ROR2: variants seen among roughly 807,000 people sequenced by gnomAD.
ROR2 encodes ROR family WNT receptor 2.
A neutral mutation model predicts 74.9 loss-of-function variants in ROR2; 33 were observed. The observed-to-expected ratio is 0.44, with a 90% confidence interval of 0.33 to 0.59. The LOEUF is 0.59. Ranked by LOEUF, ROR2 falls within the 20% of genes least tolerant of loss-of-function variation. The pLI is 0.02. For synonymous variants in ROR2, 586 were observed against 558.7 expected (o/e 1.05, Z -0.69); for missense variants, 1,216 against 1,313.8 (o/e 0.93, Z 1.15).
Position 91,725,743 on chromosome 9 carries a change from C to T in ROR2, c.1387-636G>A, listed in dbSNP as rs1046926204. Among the ~76,000 whole-genome samples the T allele has an allele frequency of 5.3e-5, 8 of 150,804 alleles. No individual in the cohort carries two copies. The East Asian group carries it at 5.8e-4, about 11-fold the overall frequency. ...AGCCCTGAGAACCCTGCATCTCTCT[C>T]GGCCTCTATGACACCAGCTCCTCCC... On this transcript the variant is annotated intron_variant, in intron 8 of 8. Coordinates refer to ENST00000375708, the MANE Select transcript of ROR2 (RefSeq NM_004560.4).
chr9:91,766,954 T>C (rs929074018), intron 2 of ROR2, among the ~76,000 whole-genome samples: 13 of 152,086 alleles, frequency 8.5e-5, no homozygotes, highest in Non-Finnish European at 2.9e-5. Flanking sequence ...CCACGTCAGC[T>C]CTCTGTGCAC....
At position 91,735,264 on chromosome 9, in the gene ROR2, C is replaced by T. The variant is rs140161137; in HGVS notation, c.623-1828G>A. Reference sequence around the variant, plus strand: ...CTGAATGTCACACAACACTTTCCAACACAACACTGCACACAACGCAGTCAT... The same window carrying T: ...CTGAATGTCACACAACACTTTCCAATACAACACTGCACACAACGCAGTCAT... On this transcript the variant is annotated intron_variant, in intron 5 of 8. Transcript: ENST00000375708. Among the ~76,000 whole-genome samples the T allele has an allele frequency of 4.6e-3, 696 of 152,328 alleles. 8 individuals are homozygous for T. The highest frequency in any genetic ancestry group is 0.019 in the Admixed American group (286 of 15,300).
chr9:91,912,023 G>C (rs926005458), intron 1 of ROR2, among the ~76,000 whole-genome samples: 14 of 150,392 alleles, frequency 9.3e-5, no homozygotes, highest in Admixed American at 8.0e-4. Context: ...GTCAAGGTCA[G>C]GAAAACAAGG....
chr9:91,814,490 T>TC (rs1827863265), intron 1 of ROR2, among the ~76,000 whole-genome samples: 1 of 152,198 alleles, frequency 6.6e-6, no homozygotes, highest in East Asian at 1.9e-4. Flanking sequence ...TCTGGCCCCC[T>TC]CCATGACTGC....
chr9:91,808,960 G>A (rs1281155824), intron 1 of ROR2, among the ~76,000 whole-genome samples: 8 of 151,516 alleles, frequency 5.3e-5, no homozygotes, highest in Admixed American at 2.6e-4. Context: ...CTGAGATCGC[G>A]CCACTGCACT....
chr9:91,813,431 G>A (rs992794572), intron 1 of ROR2, among the ~76,000 whole-genome samples: 1 of 152,166 alleles, frequency 6.6e-6, no homozygotes, highest in African/African-American at 2.4e-5. Flanking sequence ...TTTGGGGCTG[G>A]CGCGTCTGGG....
intron 1 of ROR2, among the ~76,000 whole-genome samples, chr9:91,910,766 A>C (rs1402899234): frequency 6.6e-6 from 1 of 151,736 alleles, no homozygotes; most frequent in African/African-American, 2.4e-5. Context: ...CAGGTTCAAG[A>C]GATTCTCCTG....
At chr9:91,762,254 C>G (rs1340646581) in intron 2 of ROR2, among the ~76,000 whole-genome samples, 2 of 152,232 alleles carry the variant, frequency 1.3e-5, no homozygotes, top group Non-Finnish European at 2.9e-5. Context: ...GAATGATCCT[C>G]TTTTCTCAAA....
chr9:91,824,653 G>A (rs1828230311), intron 1 of ROR2, among the ~76,000 whole-genome samples: 1 of 152,174 alleles, frequency 6.6e-6, no homozygotes, highest in Non-Finnish European at 1.5e-5. Flanking sequence ...ACATCTGGGA[G>A]TGCCCGGGAA....
intron 1 of ROR2, among the ~76,000 whole-genome samples, chr9:91,855,723 G>T (rs1481880818): frequency 6.6e-6 from 1 of 152,152 alleles, no homozygotes; most frequent in Non-Finnish European, 1.5e-5. Flanking sequence ...TGAGGGGAAT[G>T]GGGGTGGTAT....
chr9:91,932,502 C>CA (rs11419147), intron 1 of ROR2, among the ~76,000 whole-genome samples: 39,156 of 147,032 alleles, frequency 0.27, 5,176 homozygotes, highest in Admixed American at 0.33. Flanking sequence ...ACTAAAAATA[C>CA]AAAAAAAAAA....
At chr9:91,935,110 C>T (rs1673623896) in intron 1 of ROR2, among the ~76,000 whole-genome samples, 1 of 150,342 alleles carries the variant, frequency 6.7e-6, no homozygotes, top group African/African-American at 2.5e-5. Flanking sequence ...CCTTCCAGTC[C>T]CAAGTCCCCG....
rs1445999236 is a variant in ROR2 at position 91,724,242 on chromosome 9, T to C, written c.2252A>G (p.Asn751Ser). The change falls in exon 9 of 9, where the codon AAC becomes AGC. Residue 751 changes from asparagine (N) to serine (S), a missense_variant. Asn to Ser is a conservative substitution (Grantham distance 46, BLOSUM62 1). Coordinates refer to ENST00000375708, the MANE Select transcript of ROR2 (RefSeq NM_004560.4). Reference sequence around the variant, plus strand: ...CGCCGAGCTGTTGTAGTTGGAAAGGTTGCCCCAGGCTCGGAGCCGGCTGTG... The same window carrying C: ...CGCCGAGCTGTTGTAGTTGGAAAGGCTGCCCCAGGCTCGGAGCCGGCTGTG... ...DIHSRLRAWG[N>S]LSNYNSSAQT... 3 of 1,613,460 alleles carry C rather than the reference T, an allele frequency of 1.9e-6. No homozygotes were observed. The highest frequency in any genetic ancestry group is 1.3e-5 in the African/African-American group (1 of 74,906).
intron 1 of ROR2, among the ~76,000 whole-genome samples, chr9:91,949,117 G>A (rs954921750): frequency 6.7e-5 from 10 of 150,370 alleles, no homozygotes; most frequent in African/African-American, 1.7e-4. Flanking sequence ...AGGTCCCGGG[G>A]GTCCCCCCGG....
chr9:91,931,079 C>T (rs1831537605), intron 1 of ROR2, among the ~76,000 whole-genome samples: 1 of 152,116 alleles, frequency 6.6e-6, no homozygotes, highest in Non-Finnish European at 1.5e-5. Context: ...AGAAACTATG[C>T]TCCCCCAAAT....
chr9:91,736,885 G>A (rs1291384949), intron 5 of ROR2, among the ~76,000 whole-genome samples: 2 of 152,198 alleles, frequency 1.3e-5, no homozygotes, highest in African/African-American at 2.4e-5. Flanking sequence ...CTGACAAAGT[G>A]TGTGTTCACT....
chr9:91,735,367 A>C (rs1398011747), intron 5 of ROR2, among the ~76,000 whole-genome samples: 1 of 152,182 alleles, frequency 6.6e-6, no homozygotes, highest in African/African-American at 2.4e-5. Flanking sequence ...ACCCACCTAG[A>C]AAATCTTCAT....
At chr9:91,900,374 C>T (rs1198896779) in intron 1 of ROR2, among the ~76,000 whole-genome samples, 1 of 152,226 alleles carries the variant, frequency 6.6e-6, no homozygotes, top group Non-Finnish European at 1.5e-5. Flanking sequence ...GGCTGAGAGG[C>T]ACAGCAGGCA....
At position 91,723,874 on chromosome 9, in the gene ROR2, C is replaced by T. The variant is rs200867550; in HGVS notation, c.2620G>A (p.Val874Ile). ...SGSGSTSTGY[V>I]TTAPSNTSMA... Reference sequence around the variant, plus strand: ...GATGTGTTGGAGGGGGCCGTGGTGACGTAGCCTGTGCTGGTGGAGCCACTG... The same window carrying T: ...GATGTGTTGGAGGGGGCCGTGGTGATGTAGCCTGTGCTGGTGGAGCCACTG... The change falls in exon 9 of 9, where the codon GTC becomes ATC. Residue 874 changes from valine to isoleucine, a missense_variant. By Grantham distance (29) the Val-to-Ile change is conservative. Coordinates refer to ENST00000375708, the MANE Select transcript of ROR2 (RefSeq NM_004560.4). The T allele has an allele frequency of 4.6e-5, 74 of 1,614,020 alleles. No individual in the cohort carries two copies. The East Asian group carries it at 1.2e-3, about 26-fold the overall frequency.
Sources: gnomAD v4.1 joint callset for allele counts (sites outside exome capture counted in the v4.1 genomes callset) on GRCh38, gnomAD v4.1.1 for gene constraint, MANE v1.5 for transcripts, NCBI Gene and HGNC (gene_info 2026-07-23, HGNC 2026-07-21) for gene names.